Variants in MYH15 observed in about 807,000 individuals in gnomAD.
MYH15 encodes myosin heavy chain 15.
Under a neutral mutation model 240.5 loss-of-function variants are expected in MYH15, and 227 were observed. That is an observed-to-expected ratio of 0.94 (90% CI 0.85 to 1.05). The LOEUF is 1.05. MYH15 is among the 50% of genes least tolerant of loss of function. The pLI is 0.00. For missense variants in MYH15, 2,217 were observed against 2,247.5 expected (o/e 0.99, Z 0.27); for synonymous variants, 785 against 796.7 (o/e 0.99, Z 0.25).
intron 12 of MYH15, among the ~76,000 whole-genome samples, chr3:108,471,962 C>T (rs764096507): frequency 1.3e-5 from 2 of 152,198 alleles, no homozygotes; most frequent in Non-Finnish European, 2.9e-5. Context: ...AAAGCAACAT[C>T]TTCATCTGAA....
rs71321264 is a variant in MYH15, at chr3:108,486,026, G to A, written c.975+397C>T. The stretch of plus-strand genomic sequence containing the variant: ...AAGAGTTCCTAACGATATTTGAAAT[G>A]CTTAAACGATTAAACTGAGAAAGCA... On this transcript the variant is annotated intron_variant, in intron 10 of 40. Coordinates refer to ENST00000693548, the MANE Select transcript of MYH15 (RefSeq NM_014981.3). Among the ~76,000 whole-genome samples the A allele has an allele frequency of 4.9e-3, 753 of 152,250 alleles. 6 individuals are homozygous for A. Among genetic ancestry groups the A allele is most frequent in the Non-Finnish European group, 8.1e-3 (553 of 68,004 alleles).
chr3:108,502,206 C>T (rs2248798), intron 2 of MYH15, among the ~76,000 whole-genome samples: 151,068 of 152,290 alleles, frequency 0.99, 74,943 homozygotes, highest in Middle Eastern at 1. Context: ...TGTCCCAACA[C>T]ACCTTGGAGA....
At chr3:108,538,341 C>T in the MYH15 span, among the ~76,000 whole-genome samples, 1 of 152,206 alleles carries the variant, frequency 6.6e-6, no homozygotes, top group Admixed American at 6.5e-5. Flanking sequence ...CAGAACCTAA[C>T]GTCAAGAACA....
intron 1 of MYH15, among the ~76,000 whole-genome samples, chr3:108,526,367 G>C (rs1442172046): frequency 6.6e-6 from 1 of 152,108 alleles, no homozygotes; most frequent in Admixed American, 6.6e-5. Flanking sequence ...TATTTTCCCT[G>C]TTCCCAGTTT....
At chr3:108,494,844 T>C (rs766144612) in intron 7 of MYH15, among the ~76,000 whole-genome samples, 1 of 152,168 alleles carries the variant, frequency 6.6e-6, no homozygotes, top group East Asian at 1.9e-4. Context: ...ATTTTTTTCC[T>C]TGTCTTTCTT....
intron 11 of MYH15, among the ~76,000 whole-genome samples, chr3:108,478,069 A>G (rs970372725): frequency 2.6e-5 from 4 of 152,144 alleles, no homozygotes; most frequent in Non-Finnish European, 5.9e-5. Context: ...ATAGAAGGTA[A>G]TGCAGCCTTT....
Position 108,388,952 on chromosome 3 carries a change from A to T in MYH15, c.5535+18T>A, listed in dbSNP as rs1193599823. The stretch of plus-strand genomic sequence containing the variant: ...GTAGTGCCCAGCCAGACAAACAGGG[A>T]ATGGTTTCCTGGAGTACCTGATAGG... On this transcript the variant is annotated intron_variant, in intron 38 of 40. Transcript: ENST00000693548. The T allele has an allele frequency of 6.2e-7, 1 of 1,609,110 alleles. No individual in the cohort carries two copies. Among genetic ancestry groups the T allele is most frequent in the Non-Finnish European group, 8.5e-7 (1 of 1,176,606 alleles).
intron 3 of MYH15, 112 bp downstream of exon 3, chr3:108,501,600 A>T: frequency 7.3e-7 from 1 of 1,377,906 alleles, no homozygotes; most frequent in South Asian, 1.3e-5. Context: ...TTGCTCAAGG[A>T]CTATCCCTGT....
Position 108,486,528 on chromosome 3 carries a change from T to C in MYH15, c.872-2A>G, listed in dbSNP as rs1237345147. 6.3e-7 allele frequency: 1 copy of C among 1,598,716 alleles called. No homozygotes were observed. Among genetic ancestry groups the C allele is most frequent in the Admixed American group, 1.7e-5 (1 of 59,806 alleles). On this transcript the variant is annotated splice_acceptor_variant, in intron 9 of 40. Transcript: ENST00000693548. LOFTEE classifies it high-confidence loss of function. ...GATTTGCAGATACCAGGAGCAGGTCTAGAGTGGGAAAACGATTCGTTAAAC... is the reference window on the plus strand; with the variant it reads ...GATTTGCAGATACCAGGAGCAGGTCCAGAGTGGGAAAACGATTCGTTAAAC...
Position 108,389,059 on chromosome 3 carries a change from C to A in MYH15, c.5446G>T (p.Gly1816Cys). The A allele has an allele frequency of 3.7e-6, 6 of 1,613,912 alleles. No homozygotes were observed. The highest frequency in any genetic ancestry group is 5.1e-6 in the Non-Finnish European group (6 of 1,179,856). Residue 1816 changes from glycine to cysteine, a missense_variant, in exon 38 of 41, where the codon GGT becomes TGT. Coordinates refer to ENST00000693548, the MANE Select transcript of MYH15 (RefSeq NM_014981.3). ...KLESRVRELE[G>C]ELEGEIRRSA... ...CGACGGATTTCACCCTCCAGTTCAC[C>A]TTCCAGTTCACGAACCTGCAACCAA...
chr3:108,543,999 A>T, the MYH15 span: 6 of 152,168 alleles, frequency 3.9e-5, no homozygotes, highest in Non-Finnish European at 8.8e-5. Context: ...AAGTGTTCCT[A>T]CCAGAGCTTC....
chr3:108,539,623 C>T, the MYH15 span, among the ~76,000 whole-genome samples: 3 of 151,836 alleles, frequency 2.0e-5, no homozygotes, highest in East Asian at 1.9e-4. Context: ...ATATAATTTA[C>T]GGGTAACTAA....
chr3:108,392,692 C>A (rs2107536586), intron 36 of MYH15, among the ~76,000 whole-genome samples: 1 of 152,306 alleles, frequency 6.6e-6, no homozygotes, highest in South Asian at 2.1e-4. Flanking sequence ...GGACTCAGAG[C>A]TAAACTGTGG....
chr3:108,507,945 T>C (rs748777024), intron 1 of MYH15, among the ~76,000 whole-genome samples: 2 of 152,228 alleles, frequency 1.3e-5, no homozygotes, highest in Non-Finnish European at 2.9e-5. Context: ...CCAAATGTTA[T>C]CACTTGAAAG....
chr3:108,470,747 C>T lies in MYH15; in HGVS notation c.1334G>A (p.Arg445Lys). 8 of 1,613,826 alleles carry T rather than the reference C, an allele frequency of 5.0e-6. No homozygotes were observed. Among genetic ancestry groups the T allele is most frequent in the Non-Finnish European group, 6.8e-6 (8 of 1,179,870 alleles). ...GTCAAGAATGCCAATGAAGAACTGC[C>T]TTGACAGCTTGGCATCCAGGGCCCT... ...INRALDAKLS[R>K]QFFIGILDIT... Residue 445 changes from arginine (R) to lysine (K), a missense_variant, in exon 13 of 41, where the codon AGG becomes AAG. Transcript: ENST00000693548.
Position 108,476,501 on chromosome 3 carries a change from C to T in MYH15, c.1129G>A (p.Ala377Thr). The change falls in exon 12 of 41, where the codon GCT becomes ACT. Residue 377 changes from alanine to threonine, a missense_variant. Ala to Thr is a moderately conservative substitution (Grantham distance 58, BLOSUM62 0). Transcript: ENST00000693548. ...GAGGAGTTAATGCCCATGAGGAAAG[C>T]AGCTTTGTCAGCATCTGGTCATCAG... ...ADGTENADKA[A>T]FLMGINSSEL... 3 of 1,606,570 alleles carry T rather than the reference C, an allele frequency of 1.9e-6. No homozygotes were observed. Among genetic ancestry groups the T allele is most frequent in the Non-Finnish European group, 1.7e-6 (2 of 1,173,456 alleles).
At chr3:108,504,857 C>T (rs1441838299) in intron 2 of MYH15, among the ~76,000 whole-genome samples, 1 of 152,190 alleles carries the variant, frequency 6.6e-6, no homozygotes, top group East Asian at 1.9e-4. Flanking sequence ...CACATTTCTT[C>T]TGTGAACCTT....
chr3:108,421,118 CTGCCAGGTCATT>C lies in MYH15; in HGVS notation c.3787_3798del (p.Asn1263_Ala1266del). The C allele has an allele frequency of 6.2e-7, 1 of 1,614,146 alleles. No homozygotes were observed. Among genetic ancestry groups the C allele is most frequent in the African/African-American group, 1.3e-5 (1 of 75,068 alleles). On this transcript the variant is annotated inframe_deletion, in exon 28 of 41. Coordinates refer to ENST00000693548, the MANE Select transcript of MYH15 (RefSeq NM_014981.3). ...TCACTCCACAGCTTTGTCTTTTGTG[CTGCCAGGTCATT>C]TGCCAACTGAGTCACCTTATCTAGC...
At chr3:108,465,536 G>A (rs1202968496) in intron 14 of MYH15, among the ~76,000 whole-genome samples, 1 of 152,200 alleles carries the variant, frequency 6.6e-6, no homozygotes, top group Non-Finnish European at 1.5e-5. Context: ...TATGCTTAAA[G>A]AGGATCATTG....
Sources: allele counts gnomAD v4.1 joint callset (sites outside exome capture counted in the v4.1 genomes callset), GRCh38; gene constraint gnomAD v4.1.1; transcripts MANE v1.5; gene names NCBI Gene and HGNC (gene_info 2026-07-23, HGNC 2026-07-21).